The following RBMS1 variants were observed in gnomAD, a reference collection of about 807,000 sequenced individuals.
RBMS1 encodes the protein RNA binding motif single stranded interacting protein 1.
In RBMS1, 17 loss-of-function variants were observed where a neutral mutation model predicts 62.3. The ratio of observed to expected loss-of-function variants is 0.27; its 90% CI spans 0.19 to 0.41. RBMS1 has a LOEUF of 0.41. Among genes scored for constraint, RBMS1 ranks in the 10% least tolerant of loss-of-function variants. The probability of loss-of-function intolerance (pLI) is 1.00; values close to 1 mark genes in which losing one functional copy is unlikely to be tolerated. For synonymous variants in RBMS1, 172 were observed against 170.0 expected (o/e 1.01, Z -0.09); for missense variants, 334 against 504.5 (o/e 0.66, Z 3.24).
chr2:160,330,226 G>T (rs999605356), intron 2 of RBMS1, among the ~76,000 whole-genome samples: 2 of 152,150 alleles, frequency 1.3e-5, no homozygotes, highest in Non-Finnish European at 2.9e-5. Context: ...ATGAAATGTG[G>T]CTTGAGTGAG....
chr2:160,461,493 A>G (rs10176456), intron 1 of RBMS1, among the ~76,000 whole-genome samples: 33,722 of 151,978 alleles, frequency 0.22, 4,248 homozygotes, highest in Admixed American at 0.37. Flanking sequence ...CTTTCATTTC[A>G]TTTTTGTAAA....
At chr2:160,284,096 T>C (rs1489618094) in intron 9 of RBMS1, 2 of 152,280 alleles carry the variant, frequency 1.3e-5, no homozygotes, top group African/African-American at 4.8e-5. Flanking sequence ...GTAATCCTGT[T>C]AGAGGTTTTC....
At chr2:160,474,211 C>A (rs775230613) in intron 1 of RBMS1, among the ~76,000 whole-genome samples, 9 of 152,078 alleles carry the variant, frequency 5.9e-5, no homozygotes, top group Admixed American at 2.0e-4. Flanking sequence ...AACCACGAGT[C>A]TAGAGTGTTA....
At chr2:160,331,571 T>C (rs1221270530) in intron 2 of RBMS1, among the ~76,000 whole-genome samples, 2 of 152,148 alleles carry the variant, frequency 1.3e-5, no homozygotes, top group Non-Finnish European at 1.5e-5. Context: ...TAATAAACAT[T>C]TGACATTCAG....
intron 9 of RBMS1, chr2:160,282,343 C>T: frequency 2.2e-6 from 3 of 1,363,474 alleles, no homozygotes; most frequent in Non-Finnish European, 2.9e-6. Context: ...GCCTTGTTAA[C>T]ATTTCAGTTA....
At chr2:160,327,774 G>A (rs553861747) in intron 2 of RBMS1, among the ~76,000 whole-genome samples, 51 of 152,186 alleles carry the variant, frequency 3.4e-4, no homozygotes, top group African/African-American at 1.2e-3. Context: ...CCAGAATTTT[G>A]CAAGTAAAAT....
At chr2:160,297,075 A>G (rs1688974141) in intron 6 of RBMS1, among the ~76,000 whole-genome samples, 1 of 152,210 alleles carries the variant, frequency 6.6e-6, no homozygotes, top group South Asian at 2.1e-4. Context: ...CAGAAGCTGG[A>G]AAGTAGGACT....
At chr2:160,405,373 G>T (rs1031113039) in intron 1 of RBMS1, among the ~76,000 whole-genome samples, 2 of 151,596 alleles carry the variant, frequency 1.3e-5, no homozygotes, top group East Asian at 3.9e-4. Flanking sequence ...TCATCAAAAT[G>T]AACAAACTAA....
chr2:160,367,727 T>A (rs1000812163), intron 1 of RBMS1, among the ~76,000 whole-genome samples: 10 of 152,178 alleles, frequency 6.6e-5, no homozygotes, highest in Admixed American at 3.9e-4. Flanking sequence ...TACACAGTAA[T>A]TTAGAAATCA....
At chr2:160,453,211 GA>G (rs796140195) in intron 1 of RBMS1, among the ~76,000 whole-genome samples, 122 of 144,760 alleles carry the variant, frequency 8.4e-4, no homozygotes, top group South Asian at 8.6e-4. Flanking sequence ...AGTCCAGAGA[GA>G]AAAAAAAAAA....
At chr2:160,405,515 G>T (rs1243374727) in intron 1 of RBMS1, among the ~76,000 whole-genome samples, 1 of 152,174 alleles carries the variant, frequency 6.6e-6, no homozygotes, top group African/African-American at 2.4e-5. Context: ...CTGGAAGTGT[G>T]CTTTCCCAGT....
intron 1 of RBMS1, among the ~76,000 whole-genome samples, chr2:160,440,701 T>C (rs1049552856): frequency 6.6e-6 from 1 of 152,192 alleles, no homozygotes; most frequent in Non-Finnish European, 1.5e-5. Flanking sequence ...GGTCACTCTC[T>C]GTAACATTCT....
At chr2:160,300,521 C>G (rs914959327) in intron 6 of RBMS1, 130 bp downstream of exon 6, 1 of 1,282,168 alleles carries the variant, frequency 7.8e-7, no homozygotes. Flanking sequence ...AGTCTTATTT[C>G]TAAATCCAAC....
At chr2:160,309,981 G>C (rs888147770) in intron 4 of RBMS1, among the ~76,000 whole-genome samples, 1 of 152,086 alleles carries the variant, frequency 6.6e-6, no homozygotes, top group African/African-American at 2.4e-5. Flanking sequence ...AAACAGTACT[G>C]GAGTATTAAA....
chr2:160,443,075 G>A (rs1018113303), intron 1 of RBMS1, among the ~76,000 whole-genome samples: 2 of 151,888 alleles, frequency 1.3e-5, no homozygotes, highest in Non-Finnish European at 2.9e-5. Context: ...GTGTGGTGGC[G>A]GGCACCTGTA....
intron 1 of RBMS1, among the ~76,000 whole-genome samples, chr2:160,475,214 C>T (rs938717985): frequency 1.9e-4 from 29 of 152,168 alleles, no homozygotes; most frequent in African/African-American, 6.3e-4. Flanking sequence ...AGTAAGCAGC[C>T]ATTCCTTTAT....
At chr2:160,285,735 A>T (rs1444211203) in intron 7 of RBMS1, among the ~76,000 whole-genome samples, 1 of 151,862 alleles carries the variant, frequency 6.6e-6, no homozygotes, top group Non-Finnish European at 1.5e-5. Flanking sequence ...ATTTAGGATA[A>T]CTTCTAAATA....
At chr2:160,448,507 G>T (rs10174570) in intron 1 of RBMS1, among the ~76,000 whole-genome samples, 1 of 152,162 alleles carries the variant, frequency 6.6e-6, no homozygotes, top group South Asian at 2.1e-4. Flanking sequence ...TGTTGGCCGG[G>T]CTGGTCTCCA....
chr2:160,367,479 T>C, intron 1 of RBMS1, 88 bp from the exon 2 acceptor site: 1 of 1,560,858 alleles, frequency 6.4e-7, no homozygotes, highest in South Asian at 1.2e-5. Context: ...TAAATATAGA[T>C]TACTTTAAGC....
Sources: allele counts gnomAD v4.1 joint callset (sites outside exome capture counted in the v4.1 genomes callset), GRCh38; gene constraint gnomAD v4.1.1; transcripts MANE v1.5; gene names NCBI Gene and HGNC (gene_info 2026-07-23, HGNC 2026-07-21).